Variants in MADD observed in about 807,000 individuals in gnomAD.
The protein encoded by MADD is MAP kinase activating death domain, also known as MAP kinase-activating death domain protein.
A neutral mutation model predicts 176.7 loss-of-function variants in MADD; 109 were observed. The ratio of observed to expected loss-of-function variants is 0.62; its 90% CI spans 0.53 to 0.72. MADD has a LOEUF of 0.72. MADD is among the 30% of genes least tolerant of loss of function. MADD has a pLI of 0.00. For synonymous variants in MADD, 771 were observed against 771.3 expected (o/e 1.00, Z 0.01); for missense variants, 1,914 against 2,045.5 (o/e 0.94, Z 1.24).
intron 25 of MADD, 127 bp from the exon 29 acceptor site, chr11:47,311,605 A>G (rs1464437072): frequency 1.5e-6 from 1 of 649,260 alleles, no homozygotes; most frequent in Non-Finnish European, 2.8e-6. Context: ...TCCCATGTTC[A>G]GTGATGTGGT....
At chr11:47,315,103 C>T (rs2092338436) in intron 26 of MADD, 117 bp from the exon 30 acceptor site, 1 of 556,492 alleles carries the variant, frequency 1.8e-6, no homozygotes, top group Admixed American at 2.9e-5. Context: ...CAGTGGCCAG[C>T]AGATGAGACT....
At chr11:47,305,581 T>C (rs2081995206) in intron 22 of MADD, among the ~76,000 whole-genome samples, 1 of 152,046 alleles carries the variant, frequency 6.6e-6, no homozygotes, top group Admixed American at 6.6e-5. Flanking sequence ...CACCATGTAG[T>C]AGTGACTCTA....
chr11:47,275,178 G>A lies in MADD; in HGVS notation c.659+19G>A. 1 of 1,587,554 alleles carries A rather than the reference G, an allele frequency of 6.3e-7. No individual in the cohort carries two copies. The highest frequency in any genetic ancestry group is 8.6e-7 in the Non-Finnish European group (1 of 1,164,894). ...TACAAAGGTACAGTTTGCTGCTGAT[G>A]CCTAATGGGGGAAGCATTTAGAGAT... On this transcript the variant is annotated intron_variant, in intron 3 of 32. Transcript: ENST00000402192.
chr11:47,281,689 C>T (rs2056858676), exon 8 of MADD: 1 of 1,613,710 alleles, frequency 6.2e-7, no homozygotes, highest in Non-Finnish European at 8.5e-7. Context: ...GCAGTCCACA[C>T]CGTCCACTGA....
At chr11:47,294,499 G>A (rs562398819) in intron 20 of MADD, among the ~76,000 whole-genome samples, 4 of 151,414 alleles carry the variant, frequency 2.6e-5, no homozygotes, top group South Asian at 2.1e-4. Context: ...GTGAAACCCC[G>A]TCTCTACTAA....
At chr11:47,289,119 A>G in intron 15 of MADD, 92 bp downstream of exon 16, 1 of 1,290,098 alleles carries the variant, frequency 7.8e-7, no homozygotes, top group South Asian at 1.4e-5. Flanking sequence ...TGGAGCAAGC[A>G]GCGTCACATG....
At chr11:47,319,906 C>T (rs1336460022) in intron 27 of MADD, among the ~76,000 whole-genome samples, 2 of 147,734 alleles carry the variant, frequency 1.4e-5, no homozygotes, top group Admixed American at 1.4e-4. Flanking sequence ...GCAGGAGAAT[C>T]GCTTGAACCC....
At chr11:47,289,463 C>T (rs775221461) in exon 16 of MADD, 2 of 1,614,172 alleles carry the variant, frequency 1.2e-6, no homozygotes, top group Non-Finnish European at 8.5e-7. Flanking sequence ...AGAGAACCTC[C>T]ATCACCCCAG....
At chr11:47,318,096 A>T (rs998332950) in intron 27 of MADD, among the ~76,000 whole-genome samples, 1 of 152,084 alleles carries the variant, frequency 6.6e-6, no homozygotes, top group African/African-American at 2.4e-5. Flanking sequence ...ATTAATCAAT[A>T]GTTTCTTTTA....
At chr11:47,305,841 C>G (rs2082206995) in intron 22 of MADD, among the ~76,000 whole-genome samples, 1 of 152,154 alleles carries the variant, frequency 6.6e-6, no homozygotes, top group Non-Finnish European at 1.5e-5. Context: ...TCAGCCACTG[C>G]TCTGTTTCCT....
exon 2 of MADD, chr11:47,273,885 T>C (rs1454050040): frequency 6.2e-7 from 1 of 1,605,340 alleles, no homozygotes; most frequent in Admixed American, 1.7e-5. Flanking sequence ...GCCCTGATGC[T>C]TCTCTGAGAT....
exon 13 of MADD, chr11:47,285,153 A>G (rs1256601327): frequency 6.2e-7 from 1 of 1,614,054 alleles, no homozygotes; most frequent in Admixed American, 1.7e-5. Flanking sequence ...AGCAGGGGGA[A>G]AGTTACACTC....
intron 18 of MADD, 34 bp from the exon 20 acceptor site, chr11:47,290,576 T>C: frequency 6.3e-7 from 1 of 1,596,964 alleles, no homozygotes; most frequent in Non-Finnish European, 8.6e-7. Flanking sequence ...TCCTACTCAC[T>C]ACTTCTCTTG....
chr11:47,278,897 TATAATA>T (rs947240802), intron 6 of MADD, 96 bp from the exon 7 acceptor site: 2 of 889,472 alleles, frequency 2.2e-6, no homozygotes, highest in Non-Finnish European at 1.8e-6. Flanking sequence ...TATTCGTTTA[TATAATA>T]ATAATGTATA....
chr11:47,321,704 T>G (rs1461866341), intron 27 of MADD, among the ~76,000 whole-genome samples: 1 of 151,372 alleles, frequency 6.6e-6, no homozygotes, highest in Non-Finnish European at 1.5e-5. Flanking sequence ...GGTTGGGGAG[T>G]GGAAGAGCAG....
chr11:47,286,417 A>G lies in MADD; in HGVS notation c.2552-16A>G, dbSNP rs1165222710. The G allele has an allele frequency of 6.3e-6, 10 of 1,581,918 alleles. No individual in the cohort carries two copies. The highest frequency in any genetic ancestry group is 8.7e-6 in the Non-Finnish European group (10 of 1,151,002). On this transcript the variant is annotated splice_polypyrimidine_tract_variant and intron_variant, in intron 14 of 32. Transcript: ENST00000402192. ...TACTCTGCCAAGTCATCGCTCTTGC[A>G]CCCTCCCCTTGATAGGCAGCCTCTA...
chr11:47,290,318 G>A lies in MADD; in HGVS notation c.3094+19G>A. The stretch of plus-strand genomic sequence containing the variant: ...AGTAAAGGTAGGGATCGTACTTGCT[G>A]GGCACCACGCCATCCCTAACTCTGC... On this transcript the variant is annotated intron_variant, in intron 18 of 32. Transcript: ENST00000402192. 1 of 1,610,558 alleles carries A rather than the reference G, an allele frequency of 6.2e-7. No individual in the cohort carries two copies. Among genetic ancestry groups the A allele is most frequent in the Non-Finnish European group, 8.5e-7 (1 of 1,177,450 alleles).
chr11:47,314,170 G>A (rs1187636137), intron 26 of MADD, among the ~76,000 whole-genome samples: 2 of 152,082 alleles, frequency 1.3e-5, no homozygotes, highest in East Asian at 3.9e-4. Flanking sequence ...GAGCTCAGGA[G>A]GTTGAGGCTG....
Position 47,276,029 on chromosome 11 carries a change from C to T in MADD, c.790C>T (p.Gln264Ter). ...GCGCTCCCCAGTACCCGTCTCTGGG[C>T]AGAAGCGAGTAGACATCGAGGTCCT... The change falls in exon 4 of 33, where the codon CAG (glutamine) becomes TAG (stop). Residue 264 changes from glutamine to a stop codon, truncating the protein, a stop_gained. Transcript: ENST00000402192. LOFTEE classifies it high-confidence loss of function. 1 of 1,614,202 alleles carries T rather than the reference C, an allele frequency of 6.2e-7. No homozygotes were observed. The highest frequency in any genetic ancestry group is 8.5e-7 in the Non-Finnish European group (1 of 1,180,034).
Sources: gnomAD v4.1 joint callset for allele counts (sites outside exome capture counted in the v4.1 genomes callset) on GRCh38, gnomAD v4.1.1 for gene constraint, MANE v1.5 for transcripts, NCBI Gene and HGNC (gene_info 2026-07-23, HGNC 2026-07-21) for gene names.